LIPA: variants seen among roughly 807,000 people sequenced by gnomAD.
The protein encoded by LIPA is lysosomal acid lipase/cholesteryl ester hydrolase.
A neutral mutation model predicts 40.6 loss-of-function variants in LIPA; 26 were observed. The observed-to-expected ratio is 0.64, with a 90% confidence interval of 0.47 to 0.89. LIPA has a LOEUF of 0.89. Among genes scored for constraint, LIPA ranks in the 40% least tolerant of loss-of-function variants. The pLI is 0.00. For missense variants in LIPA, 455 were observed against 479.6 expected (o/e 0.95, Z 0.48); for synonymous variants, 188 against 168.4 (o/e 1.12, Z -0.90).
In LIPA at chr10:89,214,647, ATAGC is replaced by A; in HGVS notation, c.*177_*180del. The stretch of plus-strand genomic sequence containing the variant: ...TATTCCAGCCCTAATTAAAGAAAAA[ATAGC>A]TAGTATGTTTCTAATTGAAACTAGA... On this transcript the variant is annotated 3_prime_UTR_variant, in exon 10 of 10. Transcript: ENST00000336233. The A allele has an allele frequency of 8.6e-6, 5 of 580,128 alleles. No individual in the cohort carries two copies. The highest frequency in any genetic ancestry group is 1.5e-5 in the Non-Finnish European group (5 of 328,082). The allele number at this position is 580,128 out of a possible 1,614,324, so 35.9% of individuals were successfully genotyped here.
chr10:89,276,381 A>G (rs942008118), intron 1 of LIPA, among the ~76,000 whole-genome samples: 1 of 152,230 alleles, frequency 6.6e-6, no homozygotes, highest in Non-Finnish European at 1.5e-5. Context: ...CTTTTTCCAG[A>G]AACTCAATTA....
intron 1 of LIPA, among the ~76,000 whole-genome samples, chr10:89,413,194 T>G (rs934898782): frequency 5.3e-5 from 8 of 152,260 alleles, no homozygotes; most frequent in African/African-American, 1.9e-4. Context: ...TTGCAACTTA[T>G]AAAAAGCAGA....
intron 1 of LIPA, among the ~76,000 whole-genome samples, chr10:89,311,920 T>C (rs1179453922): frequency 6.6e-6 from 1 of 152,162 alleles, no homozygotes; most frequent in Non-Finnish European, 1.5e-5. Flanking sequence ...AATATTCAAG[T>C]GTGGAATCTG....
At chr10:89,216,257 T>C (rs1842625010) in intron 8 of LIPA, among the ~76,000 whole-genome samples, 1 of 152,048 alleles carries the variant, frequency 6.6e-6, no homozygotes, top group South Asian at 2.1e-4. Context: ...TATGCACATA[T>C]GCTGTCAATT....
intron 1 of LIPA, among the ~76,000 whole-genome samples, chr10:89,337,228 A>G (rs1843755938): frequency 6.6e-6 from 1 of 152,194 alleles, no homozygotes; most frequent in African/African-American, 2.4e-5. Context: ...CAAAACTGAA[A>G]GCACCTGGCG....
At chr10:89,322,115 T>A (rs1288329123) in intron 1 of LIPA, among the ~76,000 whole-genome samples, 1 of 152,172 alleles carries the variant, frequency 6.6e-6, no homozygotes, top group African/African-American at 2.4e-5. Flanking sequence ...ATATACCTAA[T>A]GTAAATGACG....
At chr10:89,382,143 A>G (rs555417486) in intron 2 of LIPA, among the ~76,000 whole-genome samples, 80 of 152,106 alleles carry the variant, frequency 5.3e-4, no homozygotes, top group Non-Finnish European at 8.7e-4. Flanking sequence ...GATTATGGTT[A>G]TATTATATTA....
At chr10:89,394,600 A>ATATATATATATATATATATATATATTT in intron 2 of LIPA, among the ~76,000 whole-genome samples, 1 of 28,086 alleles carries the variant, frequency 3.6e-5, no homozygotes, top group South Asian at 8.7e-4. Context: ...ATATATATAT[A>ATATATATATATATATATATATATATTT]TATATATATA....
intron 8 of LIPA, among the ~76,000 whole-genome samples, chr10:89,218,224 T>TA (rs1256242368): frequency 6.6e-6 from 1 of 152,204 alleles, no homozygotes; most frequent in East Asian, 1.9e-4. Context: ...TTAGAAGTCT[T>TA]AAAGCTATGC....
chr10:89,402,691 C>T, intron 2 of LIPA: 2 of 1,614,128 alleles, frequency 1.2e-6, no homozygotes, highest in Non-Finnish European at 1.7e-6. Flanking sequence ...ATGGAGTGTC[C>T]AGAAATAGAC....
chr10:89,338,974 T>C, intron 1 of LIPA: 2 of 1,614,174 alleles, frequency 1.2e-6, no homozygotes, highest in Non-Finnish European at 1.7e-6. Flanking sequence ...CTACTATCAC[T>C]TGGGCAGACT....
intron 1 of LIPA, chr10:89,339,738 T>C (rs1843824238): frequency 9.3e-6 from 15 of 1,614,026 alleles, no homozygotes; most frequent in Non-Finnish European, 1.3e-5. Flanking sequence ...AACAATCCCA[T>C]CAGCGCTACT....
intron 1 of LIPA, among the ~76,000 whole-genome samples, chr10:89,275,200 G>A (rs972340230): frequency 3.9e-5 from 6 of 152,174 alleles, no homozygotes; most frequent in East Asian, 1.9e-4. Flanking sequence ...TGCTTGGAAC[G>A]TTCAAGCAGG....
At chr10:89,362,653 C>T in intron 2 of LIPA, 1 of 528,460 alleles carries the variant, frequency 1.9e-6, no homozygotes, top group Admixed American at 3.1e-5. Flanking sequence ...GAAGCCCAGA[C>T]TTACCTGGAT....
rs527412281 is a variant in LIPA, at chr10:89,323,029, C to A, written c.-2+19582G>T. On this transcript the variant is annotated intron_variant, in intron 1 of 5. Transcript: ENST00000282673. The stretch of plus-strand genomic sequence containing the variant: ...GGTAGGCAACCCCACCTACCCTGGC[C>A]TCTTGTAGCCAGGCAAGCCATGCCT... 2.0e-4 allele frequency among the ~76,000 whole-genome samples: 31 copies of A among 152,292 alleles called. No individual in the cohort carries two copies. The South Asian group carries it at 4.6e-3, about 22-fold the overall frequency.
chr10:89,374,188 C>A (rs1445537797), intron 2 of LIPA, among the ~76,000 whole-genome samples: 1 of 152,228 alleles, frequency 6.6e-6, no homozygotes, highest in African/African-American at 2.4e-5. Flanking sequence ...GTTCGTCGAA[C>A]ACAGAGCTGG....
At chr10:89,247,749 G>C (rs1370919183) in intron 1 of LIPA, 100 bp from the exon 2 acceptor site, 1 of 811,286 alleles carries the variant, frequency 1.2e-6, no homozygotes, top group African/African-American at 1.7e-5. Context: ...ACCAGATTTA[G>C]GGCAAGTAAA....
chr10:89,401,921 A>G (rs754296996), intron 2 of LIPA, among the ~76,000 whole-genome samples: 1 of 152,216 alleles, frequency 6.6e-6, no homozygotes, highest in South Asian at 2.1e-4. Context: ...TGTCCTAATT[A>G]TCTTAATATT....
At chr10:89,257,396 G>A (rs193106504) in intron 1 of LIPA, among the ~76,000 whole-genome samples, 2 of 152,286 alleles carry the variant, frequency 1.3e-5, no homozygotes, top group Admixed American at 1.3e-4. Context: ...GAACATGTGT[G>A]TTTGGGATGG....
Sources: allele counts gnomAD v4.1 joint callset (sites outside exome capture counted in the v4.1 genomes callset), GRCh38; gene constraint gnomAD v4.1.1; transcripts MANE v1.5; gene names NCBI Gene and HGNC (gene_info 2026-07-23, HGNC 2026-07-21).